DYNC2H1: variants seen among roughly 807,000 people sequenced by gnomAD.
DYNC2H1 encodes dynein cytoplasmic 2 heavy chain 1, also known as cytoplasmic dynein 2 heavy chain 1.
DYNC2H1 carries 410 observed loss-of-function variants against 570.0 expected under a neutral mutation model. The observed-to-expected ratio is 0.72, with a 90% CI of 0.66 to 0.78. The LOEUF is 0.78. Among genes scored for constraint, DYNC2H1 ranks in the 30% least tolerant of loss-of-function variants. The pLI, the probability that DYNC2H1 is intolerant of heterozygous loss-of-function variation, is 0.00. For missense variants in DYNC2H1, 4,865 were observed against 5,046.4 expected, an observed-to-expected ratio of 0.96 and a Z score of 1.09; for synonymous variants, 1,688 against 1,677.6, an observed-to-expected ratio of 1.01 and a Z score of -0.15.
rs1005858932 is a variant in DYNC2H1, at chr11:103,406,217, G to C, written c.12366+6345G>C. 7 of 151,984 alleles carry C rather than the reference G, an allele frequency of 4.6e-5. 1 individual carries two copies. The allele number at this position is 151,984 out of a possible 1,614,324, so 9.4% of individuals were successfully genotyped here. ...GGTCTTATTTAACCTAAATTTCTAAGTTATGATTAGTATTATTGGAGAGAT... is the reference window on the plus strand; with the variant it reads ...GGTCTTATTTAACCTAAATTTCTAACTTATGATTAGTATTATTGGAGAGAT... On this transcript the variant is annotated intron_variant, in intron 84 of 88. Coordinates refer to ENST00000375735, the MANE Select transcript of DYNC2H1 (RefSeq NM_001377.3).
chr11:103,312,267 C>A (rs1867624923), intron 79 of DYNC2H1, among the ~76,000 whole-genome samples: 5 of 151,576 alleles, frequency 3.3e-5, no homozygotes. Flanking sequence ...ATAAGCCCAG[C>A]TACTCTGGAG....
intron 83 of DYNC2H1, among the ~76,000 whole-genome samples, chr11:103,378,027 A>G (rs1941465579): frequency 6.6e-6 from 1 of 152,208 alleles, no homozygotes; most frequent in Non-Finnish European, 1.5e-5. Flanking sequence ...GTGAGCTACC[A>G]TGCCAGGCTG....
At position 103,280,428 on chromosome 11, in the gene DYNC2H1, A is replaced by G. The variant is rs897588816; in HGVS notation, c.10761+15A>G. ...TTCAAGAAAATGTAAGTCAAATTAA[A>G]GGAGAGAAATTTTACAGTAACATAG... On this transcript the variant is annotated intron_variant, in intron 71 of 88. Transcript: ENST00000375735. This position sits in a 1 kb window ranked among gnomAD's most constrained non-coding sequence, Gnocchi z 4.7. 2.6e-6 allele frequency: 4 copies of G among 1,550,668 alleles called. No individual in the cohort carries two copies. The highest frequency in any genetic ancestry group is 3.9e-5 in the Admixed American group (2 of 51,018).
At chr11:103,340,327 TGATA>T (rs1939382536) in intron 82 of DYNC2H1, among the ~76,000 whole-genome samples, 1 of 152,138 alleles carries the variant, frequency 6.6e-6, no homozygotes, top group Admixed American at 6.5e-5. Flanking sequence ...GAAGCCTGAA[TGATA>T]GATAAATATA....
intron 47 of DYNC2H1, among the ~76,000 whole-genome samples, chr11:103,192,528 A>G (rs2135054633): frequency 6.6e-6 from 1 of 152,316 alleles, no homozygotes; most frequent in South Asian, 2.1e-4. Flanking sequence ...ATTTTAATAA[A>G]AGTTTTTTTT....
chr11:103,270,053 C>G (rs775683279), intron 70 of DYNC2H1, among the ~76,000 whole-genome samples: 3 of 151,786 alleles, frequency 2.0e-5, no homozygotes, highest in Non-Finnish European at 4.4e-5. Context: ...ATTAGCTGGG[C>G]ATGGTGGGGT....
At chr11:103,335,840 T>C (rs1939094492) in intron 82 of DYNC2H1, among the ~76,000 whole-genome samples, 1 of 152,162 alleles carries the variant, frequency 6.6e-6, no homozygotes, top group Non-Finnish European at 1.5e-5. Flanking sequence ...TTATCTCACT[T>C]AACTCTCAGA....
At chr11:103,398,886 A>G (rs1942504373) in intron 83 of DYNC2H1, among the ~76,000 whole-genome samples, 1 of 152,134 alleles carries the variant, frequency 6.6e-6, no homozygotes, top group Non-Finnish European at 1.5e-5. Flanking sequence ...ACTGATCTTG[A>G]GCACAAGATT....
intron 31 of DYNC2H1, among the ~76,000 whole-genome samples, chr11:103,167,013 A>ATTTTTTTTTTC (rs1467907197): frequency 4.1e-5 from 2 of 48,462 alleles, no homozygotes; most frequent in Non-Finnish European, 8.3e-5. Flanking sequence ...TTTTTTTTTG[A>ATTTTTTTTTTC]TTTTTCCTCT....
At position 103,304,627 on chromosome 11, in the gene DYNC2H1, A is replaced by C. The variant is rs1418478502; in HGVS notation, c.11289A>C (p.Ala3763=). 1 of 1,613,208 alleles carries C rather than the reference A, an allele frequency of 6.2e-7. No individual in the cohort carries two copies. The highest frequency in any genetic ancestry group is 8.5e-7 in the Non-Finnish European group (1 of 1,179,500). The change falls in exon 77 of 89, where the codon GCA becomes GCC. Residue 3763 remains alanine, a synonymous_variant. Coordinates refer to ENST00000375735, the MANE Select transcript of DYNC2H1 (RefSeq NM_001377.3). ...TGGGTCAAGGTCAAGCTGATTTAGC[A>C]ATTCAAATGCTAAAAGAATGTGCCC... ...VAMGQGQADL[A]IQMLKECARN... is the part of the protein sequence containing the mutation.
At position 103,326,993 on chromosome 11, in the gene DYNC2H1, C is replaced by T. The variant is rs1188410095; in HGVS notation, c.12039+3003C>T. On this transcript the variant is annotated intron_variant, in intron 82 of 88. Transcript: ENST00000375735. This position sits in a 1 kb window ranked among gnomAD's most constrained non-coding sequence, Gnocchi z 6.1. ...ACACATCCATGGTGGATGCGGGGTC[C>T]GCTGAGCTAGGATTCCATAGGTCCA... is the stretch of plus-strand genomic sequence containing the variant. Among the ~76,000 whole-genome samples the T allele has an allele frequency of 2.6e-5, 4 of 152,202 alleles. No individual in the cohort carries two copies. The highest frequency in any genetic ancestry group is 9.6e-5 in the African/African-American group (4 of 41,468).
chr11:103,121,565 A>G (rs915381897), intron 10 of DYNC2H1, 69 bp downstream of exon 10: 4 of 1,482,608 alleles, frequency 2.7e-6, no homozygotes, highest in Non-Finnish European at 2.7e-6. Context: ...TGTAGAAGGT[A>G]CTCTAGAGCT....
At chr11:103,224,875 A>T (rs962330391) in intron 59 of DYNC2H1, among the ~76,000 whole-genome samples, 1 of 152,182 alleles carries the variant, frequency 6.6e-6, no homozygotes, top group Non-Finnish European at 1.5e-5. Context: ...CAAAAGTGTA[A>T]AAGTGTTCCC....
At position 103,436,034 on chromosome 11, in the gene DYNC2H1, T is replaced by C. The variant is rs778359687; in HGVS notation, c.12456+2T>C. 1.9e-6 allele frequency: 3 copies of C among 1,611,628 alleles called. No individual in the cohort carries two copies. The South Asian group carries it at 3.3e-5, about 18-fold the overall frequency. ...GTTGCCCGTGCCCTTGCAATACAGG[T>C]ATGCCTAAATTATTTACTAAGTGGG... On this transcript the variant is annotated splice_donor_variant, in intron 85 of 88. Coordinates refer to ENST00000375735, the MANE Select transcript of DYNC2H1 (RefSeq NM_001377.3). LOFTEE classifies it high-confidence loss of function.
At chr11:103,175,641 A>G (rs145634579) in intron 36 of DYNC2H1, among the ~76,000 whole-genome samples, 273 of 152,328 alleles carry the variant, frequency 1.8e-3, no homozygotes, top group Non-Finnish European at 3.2e-3. Flanking sequence ...TGGCTTAAGA[A>G]TGGGTTTGTG....
chr11:103,353,263 C>A (rs543695317), intron 82 of DYNC2H1, among the ~76,000 whole-genome samples: 1 of 152,268 alleles, frequency 6.6e-6, no homozygotes, highest in Non-Finnish European at 1.5e-5. Flanking sequence ...ATGTAACAAA[C>A]CTGCATGTTC....
chr11:103,344,689 G>C (rs962450084), intron 82 of DYNC2H1, among the ~76,000 whole-genome samples: 2 of 151,986 alleles, frequency 1.3e-5, no homozygotes, highest in South Asian at 2.1e-4. Context: ...TCCTTAACCT[G>C]CTTTGTTTTT....
At position 103,201,089 on chromosome 11, in the gene DYNC2H1, A is replaced by G. The variant is rs754049260; in HGVS notation, c.8197+935A>G. Among the ~76,000 whole-genome samples, 4 of 152,158 alleles carry G rather than the reference A, an allele frequency of 2.6e-5. No homozygotes were observed. The highest frequency in any genetic ancestry group is 5.9e-5 in the Non-Finnish European group (4 of 68,030). ...TGATCCTCCCGCCTTGGCCTCCCAAAGTGCTGGGATTACAGATGTGAGCCA... is the reference window on the plus strand; with the variant it reads ...TGATCCTCCCGCCTTGGCCTCCCAAGGTGCTGGGATTACAGATGTGAGCCA... On this transcript the variant is annotated intron_variant, in intron 50 of 88. Transcript: ENST00000375735. The surrounding 1 kb of genome is among the most constrained non-coding windows in gnomAD (Gnocchi z 4.8).
Position 103,253,336 on chromosome 11 carries a change from A to T in DYNC2H1, c.10094A>T (p.Glu3365Val), listed in dbSNP as rs1864914192. 10 of 1,613,398 alleles carry T rather than the reference A, an allele frequency of 6.2e-6. No homozygotes were observed. The highest frequency in any genetic ancestry group is 8.5e-6 in the Non-Finnish European group (10 of 1,179,518). Residue 3365 changes from glutamate (E) to valine (V), a missense_variant, in exon 66 of 89, where the codon GAA (glutamate) becomes GTA (valine). Transcript: ENST00000375735. ...IGDKIIDYNE[E>V]FRLFLSTRNP... is the part of the protein sequence containing the mutation. ...GACAAAATTATTGACTACAATGAAGAATTCCGCCTCTTTTTGTCAACAAGA... is the reference window on the plus strand; with the variant it reads ...GACAAAATTATTGACTACAATGAAGTATTCCGCCTCTTTTTGTCAACAAGA...
Sources: gnomAD v4.1 joint callset for allele counts (sites outside exome capture counted in the v4.1 genomes callset) on GRCh38, gnomAD v4.1.1 for gene constraint, Gnocchi (gnomAD v3.1) non-coding constraint, MANE v1.5 for transcripts, NCBI Gene and HGNC (gene_info 2026-07-23, HGNC 2026-07-21) for gene names.